KLF8: variants seen among roughly 807,000 people sequenced by gnomAD.
KLF8 encodes KLF transcription factor 8, also known as Krueppel-like factor 8.
Under a neutral mutation model 18.2 loss-of-function variants are expected in KLF8, and 10 were observed. The observed-to-expected ratio is 0.55, with a 90% CI of 0.34 to 0.93. The LOEUF is 0.93. Among genes scored for constraint, KLF8 ranks in the 40% least tolerant of loss-of-function variants. The pLI is 0.02. For synonymous variants in KLF8, 109 were observed against 97.3 expected (o/e 1.12, Z -0.71); for missense variants, 264 against 277.9 (o/e 0.95, Z 0.36).
At chrX:56,283,972 A>G (rs1373860961) in intron 5 of KLF8, among the ~76,000 whole-genome samples, 2 of 111,221 alleles carry the variant, frequency 1.8e-5, no homozygotes, top group Non-Finnish European at 3.8e-5. Flanking sequence ...TTTCTTTAGA[A>G]CTCCTGTAGG....
chrX:56,279,436 G>C (rs771307219), intron 5 of KLF8, among the ~76,000 whole-genome samples: 63 of 112,036 alleles, frequency 5.6e-4, no homozygotes, highest in African/African-American at 2.0e-3. Flanking sequence ...GGAGAATAAC[G>C]ATCATATGAG....
chrX:56,179,768 C>G, the KLF8 span, among the ~76,000 whole-genome samples: 1 of 111,459 alleles, frequency 9.0e-6, no homozygotes, highest in South Asian at 3.8e-4. Flanking sequence ...TTTGTCTTTG[C>G]TTCTGTTTAT....
the KLF8 span, among the ~76,000 whole-genome samples, chrX:55,950,540 T>C: frequency 2.2e-4 from 24 of 111,402 alleles, no homozygotes; most frequent in African/African-American, 5.5e-4. Context: ...ACTTAAATCA[T>C]TGGGGGCTGT....
chrX:55,927,223 C>G, the KLF8 span, among the ~76,000 whole-genome samples: 4 of 111,930 alleles, frequency 3.6e-5, no homozygotes, highest in East Asian at 1.1e-3. Flanking sequence ...GCTATCTTGT[C>G]CATTGTAAGA....
chrX:56,082,537 A>G, the KLF8 span, among the ~76,000 whole-genome samples: 2 of 106,961 alleles, frequency 1.9e-5, no homozygotes, highest in South Asian at 4.0e-4. Flanking sequence ...GCCTTAACCT[A>G]TAAAGTTCAG....
At chrX:56,259,457 T>A (rs1405345979) in intron 2 of KLF8, among the ~76,000 whole-genome samples, 2 of 110,730 alleles carry the variant, frequency 1.8e-5, no homozygotes, top group East Asian at 5.6e-4. Flanking sequence ...TTCCCCACAC[T>A]GTTTTTTCTA....
At chrX:56,118,936 G>A in the KLF8 span, among the ~76,000 whole-genome samples, 1 of 111,477 alleles carries the variant, frequency 9.0e-6, no homozygotes. Flanking sequence ...CTCATAGTTG[G>A]GAGGAGGAAG....
the KLF8 span, among the ~76,000 whole-genome samples, chrX:56,155,766 A>G: frequency 2.8e-3 from 315 of 111,438 alleles, 1 homozygote; most frequent in African/African-American, 9.6e-3. Flanking sequence ...TCACCCTGAT[A>G]GTGAACACAG....
the KLF8 span, among the ~76,000 whole-genome samples, chrX:56,123,309 G>GAAAGAAAGAAAGA: frequency 4.3e-3 from 466 of 108,149 alleles, 2 homozygotes; most frequent in African/African-American, 0.016. Context: ...GAGAAAGAAA[G>GAAAGAAAGAAAGA]AAAGAAAAGA....
chrX:56,056,914 G>T, the KLF8 span, among the ~76,000 whole-genome samples: 1 of 110,252 alleles, frequency 9.1e-6, no homozygotes. Flanking sequence ...GACTCTGATG[G>T]GTGGTGTCAG....
At chrX:56,088,764 G>T in the KLF8 span, among the ~76,000 whole-genome samples, 1 of 111,171 alleles carries the variant, frequency 9.0e-6, no homozygotes, top group African/African-American at 3.3e-5. Flanking sequence ...ACTGGGCCAT[G>T]TTATGGGTCC....
chrX:56,276,133 G>GC (rs1469451463), intron 5 of KLF8, among the ~76,000 whole-genome samples: 3 of 109,537 alleles, frequency 2.7e-5, no homozygotes, highest in Non-Finnish European at 5.7e-5. Flanking sequence ...TGGGAGACCT[G>GC]CCCCCCGCCC....
At chrX:56,214,286 G>T in the KLF8 span, among the ~76,000 whole-genome samples, 1 of 112,059 alleles carries the variant, frequency 8.9e-6, no homozygotes, top group Admixed American at 9.4e-5. Flanking sequence ...TGGGGCCCTT[G>T]CCAGGGACCC....
the KLF8 span, among the ~76,000 whole-genome samples, chrX:56,092,812 G>A: frequency 9.1e-6 from 1 of 109,393 alleles, no homozygotes. Context: ...ATGCAAGACT[G>A]TCTGAGTAAT....
the KLF8 span, among the ~76,000 whole-genome samples, chrX:56,053,791 G>A: frequency 9.1e-6 from 1 of 110,025 alleles, no homozygotes; most frequent in East Asian, 2.8e-4. Context: ...TTATTTATAT[G>A]CATTGTGGGT....
At chrX:56,128,069 C>G in the KLF8 span, among the ~76,000 whole-genome samples, 27 of 111,625 alleles carry the variant, frequency 2.4e-4, no homozygotes, top group Admixed American at 2.4e-3. Context: ...ATTCAGTAAG[C>G]AACTGAGGGG....
At chrX:56,019,516 A>G in the KLF8 span, among the ~76,000 whole-genome samples, 2 of 112,718 alleles carry the variant, frequency 1.8e-5, no homozygotes, top group African/African-American at 6.4e-5. Flanking sequence ...CAAACTCTGC[A>G]AAGACCTATG....
At chrX:56,240,940 C>T (rs186392217) in intron 1 of KLF8, among the ~76,000 whole-genome samples, 4 of 111,683 alleles carry the variant, frequency 3.6e-5, no homozygotes, top group East Asian at 2.8e-4. Context: ...GTGTGGCACA[C>T]GTTTACCTAT....
At chrX:56,043,790 C>T in the KLF8 span, among the ~76,000 whole-genome samples, 8 of 112,560 alleles carry the variant, frequency 7.1e-5, no homozygotes, top group African/African-American at 2.6e-4. Context: ...CCACCTTCTG[C>T]AGCCTACTTC....
Sources: allele counts gnomAD v4.1 joint callset (sites outside exome capture counted in the v4.1 genomes callset), GRCh38; gene constraint gnomAD v4.1.1; transcripts MANE v1.5; gene names NCBI Gene and HGNC (gene_info 2026-07-23, HGNC 2026-07-21).